The following PPP2R2A variants were observed in gnomAD, a reference collection of about 807,000 sequenced individuals.
PPP2R2A encodes the protein serine/threonine-protein phosphatase 2A 55 kDa regulatory subunit B alpha isoform.
Under a neutral mutation model 53.2 loss-of-function variants are expected in PPP2R2A, and 9 were observed. That is an observed-to-expected ratio of 0.17 (90% CI 0.10 to 0.30). The LOEUF is 0.30. PPP2R2A is among the 10% of genes least tolerant of loss of function. The pLI is 1.00. For synonymous variants in PPP2R2A, 169 were observed against 174.2 expected (o/e 0.97, Z 0.23); for missense variants, 235 against 534.6 (o/e 0.44, Z 5.53).
chr8:26,325,985 G>A (rs573854058), intron 2 of PPP2R2A, among the ~76,000 whole-genome samples: 47 of 152,072 alleles, frequency 3.1e-4, no homozygotes, highest in Middle Eastern at 3.2e-3. Context: ...ACAGGTGTGC[G>A]CTGCCATGCC....
chr8:26,313,148 C>T (rs552718466), intron 2 of PPP2R2A, among the ~76,000 whole-genome samples: 40 of 151,980 alleles, frequency 2.6e-4, no homozygotes, highest in Non-Finnish European at 4.0e-4. Context: ...ATTCTCCTGC[C>T]TCAGCCTCCC....
At chr8:26,332,908 A>G (rs570553526) in intron 2 of PPP2R2A, among the ~76,000 whole-genome samples, 192 of 152,334 alleles carry the variant, frequency 1.3e-3, no homozygotes, top group Non-Finnish European at 2.1e-3. Flanking sequence ...CCTTATCCCT[A>G]TAGTGCTAAA....
chr8:26,335,532 G>A (rs943402141), intron 2 of PPP2R2A, among the ~76,000 whole-genome samples: 2 of 152,124 alleles, frequency 1.3e-5, no homozygotes, highest in African/African-American at 2.4e-5. Context: ...ACCCCTCCCC[G>A]AAATAAAATT....
intron 2 of PPP2R2A, among the ~76,000 whole-genome samples, chr8:26,332,420 A>G (rs929143251): frequency 1.3e-5 from 2 of 152,096 alleles, no homozygotes; most frequent in Non-Finnish European, 2.9e-5. Context: ...CTTTTGAAAA[A>G]AAAATACTTA....
chr8:26,306,268 G>T (rs1255210687), intron 2 of PPP2R2A, among the ~76,000 whole-genome samples: 3 of 151,538 alleles, frequency 2.0e-5, no homozygotes, highest in African/African-American at 7.3e-5. Context: ...TTGAGGTCAG[G>T]TGTTCGAGAC....
At chr8:26,319,333 C>G (rs1359867985) in intron 2 of PPP2R2A, among the ~76,000 whole-genome samples, 3 of 152,216 alleles carry the variant, frequency 2.0e-5, no homozygotes, top group African/African-American at 7.2e-5. Context: ...CTAAGAAGTG[C>G]AGCTAGTGTA....
intron 2 of PPP2R2A, among the ~76,000 whole-genome samples, chr8:26,336,882 G>GAA (rs983154181): frequency 1.4e-5 from 2 of 144,432 alleles, no homozygotes; most frequent in East Asian, 2.0e-4. Context: ...ACTCTTTTAA[G>GAA]AAAAAAAAAA....
intron 3 of PPP2R2A, among the ~76,000 whole-genome samples, chr8:26,353,454 T>C (rs2117377495): frequency 6.6e-6 from 1 of 152,348 alleles, no homozygotes; most frequent in African/African-American, 2.4e-5. Context: ...AGGCTGTTTT[T>C]ATTATCAAGA....
At chr8:26,342,497 G>T (rs914347859) in intron 3 of PPP2R2A, among the ~76,000 whole-genome samples, 1 of 152,290 alleles carries the variant, frequency 6.6e-6, no homozygotes. Context: ...AGTTGTCAAA[G>T]TAGCTGGTTT....
chr8:26,355,391 C>T (rs1207744494), intron 4 of PPP2R2A, among the ~76,000 whole-genome samples: 1 of 152,154 alleles, frequency 6.6e-6, no homozygotes, highest in Non-Finnish European at 1.5e-5. Flanking sequence ...AGGTGAGTGC[C>T]ACCACACCCG....
chr8:26,371,119 A>G lies in PPP2R2A; in HGVS notation c.*706A>G, dbSNP rs190800006. 4.6e-5 allele frequency: 7 copies of G among 152,628 alleles called. No homozygotes were observed. The highest frequency in any genetic ancestry group is 6.5e-5 in the Admixed American group (1 of 15,312). 9.5% of individuals were successfully genotyped at this position (152,628 alleles called of 1,614,324 possible). A position where few individuals can be genotyped will look rare whatever the true frequency, so the allele number is the denominator to read the frequency against. On this transcript the variant is annotated 3_prime_UTR_variant, in exon 10 of 10. Transcript: ENST00000380737. ...AAAAACCTACTACTGAATAAAAGTG[A>G]CAAAGAATGGAGAATCTGGTTTTCT...
At chr8:26,342,465 G>T (rs1372717523) in intron 3 of PPP2R2A, among the ~76,000 whole-genome samples, 1 of 152,138 alleles carries the variant, frequency 6.6e-6, no homozygotes, top group African/African-American at 2.4e-5. Flanking sequence ...GTTTCCATGG[G>T]TGCTCAAATT....
rs200047800 is a variant in PPP2R2A at position 26,313,043 on chromosome 8, CT to C, written c.82+19316del. Reference sequence around the variant, plus strand: ...GTTTATTTTCATATTTCTTTTTTTTCTTTTTTTTTTTTTGAGATGAAATCTT... The same window carrying C: ...GTTTATTTTCATATTTCTTTTTTTTCTTTTTTTTTTTTGAGATGAAATCTT... On this transcript the variant is annotated intron_variant, in intron 2 of 9. Coordinates refer to ENST00000380737, the MANE Select transcript of PPP2R2A (RefSeq NM_002717.4). Among the ~76,000 whole-genome samples the C allele has an allele frequency of 4.1e-3, 585 of 142,018 alleles. 1 individual carries two copies. Among genetic ancestry groups the C allele is most frequent in the African/African-American group, 0.011 (426 of 39,000 alleles). 93.2% of individuals were successfully genotyped at this position (142,018 alleles called of 152,430 possible).
chr8:26,354,437 A>C lies in PPP2R2A; in HGVS notation c.181-31A>C, dbSNP rs1804672072. 1 of 1,455,212 alleles carries C rather than the reference A, an allele frequency of 6.9e-7. No homozygotes were observed. 90.1% of individuals were successfully genotyped at this position (1,455,212 alleles called of 1,614,324 possible). On this transcript the variant is annotated intron_variant, in intron 3 of 9. Coordinates refer to ENST00000380737, the MANE Select transcript of PPP2R2A (RefSeq NM_002717.4). This position sits in a 1 kb window ranked among gnomAD's most constrained non-coding sequence, Gnocchi z 4.6. ...TGATTATTTTGAAATATTTTTCAAC[A>C]ATGGTCCATATATTTTTGTTTTCAT...
At chr8:26,309,515 T>G (rs1333956413) in intron 2 of PPP2R2A, among the ~76,000 whole-genome samples, 1 of 152,198 alleles carries the variant, frequency 6.6e-6, no homozygotes, top group Non-Finnish European at 1.5e-5. Flanking sequence ...CAAAAGAGCC[T>G]GTTCTTTGAA....
chr8:26,314,687 A>T (rs1311260454), intron 2 of PPP2R2A, among the ~76,000 whole-genome samples: 1 of 152,176 alleles, frequency 6.6e-6, no homozygotes, highest in African/African-American at 2.4e-5. Flanking sequence ...GAGAACACTA[A>T]TGCCATTCTG....
intron 8 of PPP2R2A, chr8:26,366,030 A>T (rs1805356461): frequency 3.6e-6 from 1 of 281,342 alleles, no homozygotes; most frequent in South Asian, 8.4e-5. Flanking sequence ...GCCATTTTCA[A>T]GTGTTTTTGG....
chr8:26,357,199 G>C (rs937261624), intron 4 of PPP2R2A, among the ~76,000 whole-genome samples: 8 of 150,850 alleles, frequency 5.3e-5, no homozygotes, highest in Admixed American at 5.3e-4. Context: ...AGAGAAAAAT[G>C]TCAACATCTG....
chr8:26,356,492 T>C (rs1804789939), intron 4 of PPP2R2A, among the ~76,000 whole-genome samples: 1 of 152,206 alleles, frequency 6.6e-6, no homozygotes, highest in Admixed American at 6.5e-5. Flanking sequence ...ATCACAGCAC[T>C]ATGGGTGGAG....
Sources: gnomAD v4.1 joint callset for allele counts (sites outside exome capture counted in the v4.1 genomes callset) on GRCh38, gnomAD v4.1.1 for gene constraint, Gnocchi (gnomAD v3.1) non-coding constraint, MANE v1.5 for transcripts, NCBI Gene and HGNC (gene_info 2026-07-23, HGNC 2026-07-21) for gene names.